The following PRKAG2 variants were observed in gnomAD, a reference collection of about 807,000 sequenced individuals.
The protein encoded by PRKAG2 is protein kinase AMP-activated non-catalytic subunit gamma 2, also known as 5'-AMP-activated protein kinase subunit gamma-2.
In PRKAG2, 26 loss-of-function variants were observed where a neutral mutation model predicts 69.6. The ratio of observed to expected loss-of-function variants is 0.37; its 90% CI spans 0.27 to 0.52. The LOEUF is 0.52. Among genes scored for constraint, PRKAG2 ranks in the 20% least tolerant of loss-of-function variants. The pLI, the probability that PRKAG2 is intolerant of heterozygous loss-of-function variation, is 0.90. For synonymous variants in PRKAG2, 293 were observed against 285.0 expected (o/e 1.03, Z -0.28); for missense variants, 557 against 740.0 (o/e 0.75, Z 2.87).
intron 4 of PRKAG2, among the ~76,000 whole-genome samples, chr7:151,634,194 G>T (rs751089591): frequency 2.2e-4 from 34 of 152,178 alleles, no homozygotes; most frequent in Non-Finnish European, 3.8e-4. Context: ...AGAAAACCCA[G>T]AAATAGACCC....
At chr7:151,585,905 G>A (rs6964531) in intron 6 of PRKAG2, among the ~76,000 whole-genome samples, 141 of 152,222 alleles carry the variant, frequency 9.3e-4, no homozygotes, top group African/African-American at 3.3e-3. Flanking sequence ...CGCAGGACGC[G>A]TTCCTGAGCT....
intron 3 of PRKAG2, among the ~76,000 whole-genome samples, chr7:151,714,835 A>T (rs965998767): frequency 6.6e-6 from 1 of 151,288 alleles, no homozygotes; most frequent in Admixed American, 6.6e-5. Flanking sequence ...CTGTAATCCC[A>T]GCTACTCGGG....
At chr7:151,585,104 G>C (rs1811330674) in intron 6 of PRKAG2, among the ~76,000 whole-genome samples, 1 of 152,036 alleles carries the variant, frequency 6.6e-6, no homozygotes, top group South Asian at 2.1e-4. Flanking sequence ...CATATATAAA[G>C]GCTGGGGATT....
intron 4 of PRKAG2, among the ~76,000 whole-genome samples, chr7:151,666,774 C>A (rs1469828486): frequency 1.3e-5 from 2 of 152,174 alleles, no homozygotes; most frequent in African/African-American, 4.8e-5. Context: ...CCTAACCAAC[C>A]ATCCTGCAGC....
rs563524333 is a variant in PRKAG2, at chr7:151,593,837, T to G, written c.864+1508A>C. On this transcript the variant is annotated intron_variant, in intron 6 of 15. Coordinates refer to ENST00000287878, the MANE Select transcript of PRKAG2 (RefSeq NM_016203.4). ...CTCAGCAAAGAACATAAAGCCAATT[T>G]GCAAAAATCAATTGTATTTCCATAC... 2.6e-5 allele frequency among the ~76,000 whole-genome samples: 4 copies of G among 152,334 alleles called. No homozygotes were observed. In the South Asian group the frequency reaches 8.3e-4, roughly 32 times the overall value.
chr7:151,604,903 T>C (rs910451721), intron 5 of PRKAG2, among the ~76,000 whole-genome samples: 6 of 152,196 alleles, frequency 3.9e-5, no homozygotes, highest in Admixed American at 6.5e-5. Flanking sequence ...AGAGGTCTCA[T>C]GCTTTTCTCA....
chr7:151,853,212 G>C (rs1226241340), intron 1 of PRKAG2, among the ~76,000 whole-genome samples: 2 of 152,116 alleles, frequency 1.3e-5, no homozygotes, highest in Admixed American at 1.3e-4. Flanking sequence ...TGTCCCATAG[G>C]CGCAGCACCC....
At position 151,781,418 on chromosome 7, in the gene PRKAG2, A is replaced by C. The variant is rs2151803877; in HGVS notation, c.200T>G (p.Phe67Cys). Residue 67 changes from phenylalanine to cysteine, a missense_variant, in exon 3 of 16, where the codon TTC (phenylalanine) becomes TGC (cysteine). Phe to Cys is a radical substitution (Grantham distance 205, BLOSUM62 -2). This residue lies in a region of PRKAG2 where 352 missense variants were observed against 356.7 expected (regional missense o/e 0.99). Coordinates refer to ENST00000287878, the MANE Select transcript of PRKAG2 (RefSeq NM_016203.4). The surrounding 1 kb of genome is among the most constrained non-coding windows in gnomAD (Gnocchi z 6.1). ...CCCTTTGGAGGGGCTGCCCGGGCCG[A>C]AGGGGCTGTCCACCTGCAGAAAAAC... ...KHSSRKVDSP[F>C]GPGSPSKGFF... 6.2e-7 allele frequency: 1 copy of C among 1,607,694 alleles called. No individual in the cohort carries two copies. Among genetic ancestry groups the C allele is most frequent in the Non-Finnish European group, 8.5e-7 (1 of 1,177,498 alleles).
intron 3 of PRKAG2, among the ~76,000 whole-genome samples, chr7:151,751,168 G>A (rs2074654447): frequency 6.7e-6 from 1 of 148,512 alleles, no homozygotes; most frequent in Non-Finnish European, 1.5e-5. Context: ...TGTGATCTCA[G>A]CTCACTGCAA....
intron 3 of PRKAG2, among the ~76,000 whole-genome samples, chr7:151,725,350 C>T (rs1797769529): frequency 6.6e-6 from 1 of 151,996 alleles, no homozygotes; most frequent in Non-Finnish European, 1.5e-5. Context: ...TGCATAGAGA[C>T]AGGAAGTAGA....
intron 1 of PRKAG2, among the ~76,000 whole-genome samples, chr7:151,860,024 C>A (rs1469843585): frequency 6.6e-6 from 1 of 152,188 alleles, no homozygotes; most frequent in African/African-American, 2.4e-5. Context: ...GCTGGGCTGA[C>A]GGAGGTGGCC....
At chr7:151,676,227 G>C (rs1403066062) in intron 3 of PRKAG2, among the ~76,000 whole-genome samples, 1 of 126,636 alleles carries the variant, frequency 7.9e-6, no homozygotes, top group African/African-American at 2.9e-5. Flanking sequence ...GAAGCCATGG[G>C]ACCATGTATC....
chr7:151,581,721 A>G (rs1328241644), intron 6 of PRKAG2, among the ~76,000 whole-genome samples: 1 of 152,230 alleles, frequency 6.6e-6, no homozygotes, highest in Admixed American at 6.5e-5. Flanking sequence ...TTTACACTAC[A>G]GTGAGCCTCA....
chr7:151,718,961 A>G (rs1796609820), intron 3 of PRKAG2, among the ~76,000 whole-genome samples: 1 of 152,142 alleles, frequency 6.6e-6, no homozygotes, highest in Admixed American at 6.5e-5. Flanking sequence ...GCCAGCCTGC[A>G]TCTTGCCAAG....
chr7:151,558,287 G>A (rs1804208210), intron 15 of PRKAG2: 2 of 985,286 alleles, frequency 2.0e-6, no homozygotes, highest in South Asian at 4.7e-5. Context: ...CCTTCTAATC[G>A]AGTAACAGCA....
intron 1 of PRKAG2, among the ~76,000 whole-genome samples, chr7:151,861,654 C>A (rs1369435100): frequency 2.0e-5 from 3 of 152,076 alleles, no homozygotes; most frequent in Non-Finnish European, 2.9e-5. Context: ...TCGGTCCTCC[C>A]ATGGGCGGCT....
intron 3 of PRKAG2, among the ~76,000 whole-genome samples, chr7:151,700,392 G>A (rs13247590): frequency 6.6e-6 from 1 of 151,608 alleles, no homozygotes; most frequent in Non-Finnish European, 1.5e-5. Context: ...CAGACCTACG[G>A]AGCCTGAATC....
At chr7:151,641,122 G>T (rs1277835295) in intron 4 of PRKAG2, among the ~76,000 whole-genome samples, 1 of 152,056 alleles carries the variant, frequency 6.6e-6, no homozygotes, top group Non-Finnish European at 1.5e-5. Flanking sequence ...TATTGTAATA[G>T]ATTCTATCTG....
chr7:151,822,468 C>G (rs11763700), intron 1 of PRKAG2, among the ~76,000 whole-genome samples: 45,699 of 152,162 alleles, frequency 0.3, 7,484 homozygotes, highest in Middle Eastern at 0.4. Context: ...CCCTGAAGAC[C>G]CTCTGAGCCA....
Sources: allele counts gnomAD v4.1 joint callset (sites outside exome capture counted in the v4.1 genomes callset), GRCh38; gene constraint gnomAD v4.1.1; regional missense constraint gnomAD v4.1.1; non-coding constraint Gnocchi (gnomAD v3.1); transcripts MANE v1.5; gene names NCBI Gene and HGNC (gene_info 2026-07-23, HGNC 2026-07-21).